The following NETO2 variants were observed in gnomAD, a reference collection of about 807,000 sequenced individuals.
NETO2 encodes the protein neuropilin and tolloid like 2.
In NETO2, 28 loss-of-function variants were observed where a neutral mutation model predicts 62.5. The ratio of observed to expected loss-of-function variants is 0.45; its 90% CI spans 0.33 to 0.61. The LOEUF is 0.61. NETO2 is among the 20% of genes least tolerant of loss of function. The pLI is 0.02. For synonymous variants in NETO2, 214 were observed against 219.1 expected, an observed-to-expected ratio of 0.98 and a Z score of 0.21; for missense variants, 548 against 643.2, an observed-to-expected ratio of 0.85 and a Z score of 1.60.
chr16:47,114,861 T>C (rs1298870420), intron 6 of NETO2, among the ~76,000 whole-genome samples: 1 of 152,188 alleles, frequency 6.6e-6, no homozygotes, highest in Admixed American at 6.5e-5. Flanking sequence ...ATTTTACATC[T>C]ATGTCCATGA....
intron 7 of NETO2, among the ~76,000 whole-genome samples, chr16:47,103,264 G>A (rs1963595757): frequency 6.6e-6 from 1 of 152,094 alleles, no homozygotes; most frequent in Non-Finnish European, 1.5e-5. Flanking sequence ...CACAGGGAGG[G>A]GAAGGAACGT....
chr16:47,127,192 T>C (rs1172801300), intron 4 of NETO2, among the ~76,000 whole-genome samples: 1 of 152,246 alleles, frequency 6.6e-6, no homozygotes, highest in Non-Finnish European at 1.5e-5. Flanking sequence ...CTTACTGTTA[T>C]TTTTTCATCT....
intron 6 of NETO2, among the ~76,000 whole-genome samples, chr16:47,117,401 T>A (rs1343428330): frequency 2.0e-5 from 3 of 152,242 alleles, no homozygotes; most frequent in Non-Finnish European, 4.4e-5. Flanking sequence ...TCTGCAGATA[T>A]ATGTCCTTCA....
intron 7 of NETO2, among the ~76,000 whole-genome samples, chr16:47,102,652 C>A (rs1963580110): frequency 6.7e-6 from 1 of 150,056 alleles, no homozygotes; most frequent in Non-Finnish European, 1.5e-5. Context: ...ATATGCTTCT[C>A]AAAAGAAGAC....
chr16:47,133,424 G>A (rs999997178), intron 1 of NETO2, among the ~76,000 whole-genome samples: 3 of 151,830 alleles, frequency 2.0e-5, no homozygotes, highest in Non-Finnish European at 4.4e-5. Flanking sequence ...CAGGCATGGT[G>A]GCATGTGCCT....
At chr16:47,131,856 C>T (rs544583938) in intron 2 of NETO2, 113 bp downstream of exon 2, 1 of 821,998 alleles carries the variant, frequency 1.2e-6, no homozygotes, top group African/African-American at 1.7e-5. Flanking sequence ...AGCCTTAGGT[C>T]ACTGGAACAC....
chr16:47,087,748 TCTCTTTGTGGCGGCCAC>T (rs1963225297), intron 7 of NETO2, among the ~76,000 whole-genome samples: 1 of 152,140 alleles, frequency 6.6e-6, no homozygotes, highest in African/African-American at 2.4e-5. Context: ...GCTCCTTCTT[TCTCTTTGTGGCGGCCAC>T]CTACTCATCT....
chr16:47,112,405 T>TTGGAG (rs1412789191), intron 6 of NETO2, among the ~76,000 whole-genome samples: 1 of 152,198 alleles, frequency 6.6e-6, no homozygotes, highest in African/African-American at 2.4e-5. Flanking sequence ...GTCTCCTAGG[T>TTGGAG]TGGAGTTCAG....
At chr16:47,112,322 A>G (rs1963817930) in intron 6 of NETO2, among the ~76,000 whole-genome samples, 1 of 152,138 alleles carries the variant, frequency 6.6e-6, no homozygotes, top group Admixed American at 6.5e-5. Context: ...TTTAATTTAG[A>G]TTTCTTAAAT....
At chr16:47,133,349 G>T (rs1964304753) in intron 1 of NETO2, among the ~76,000 whole-genome samples, 2 of 151,524 alleles carry the variant, frequency 1.3e-5, no homozygotes, top group Admixed American at 1.3e-4. Flanking sequence ...GCTGAGGCGA[G>T]AGGATTGCTT....
chr16:47,100,728 A>G (rs1054955499), intron 7 of NETO2, among the ~76,000 whole-genome samples: 1 of 152,216 alleles, frequency 6.6e-6, no homozygotes, highest in Non-Finnish European at 1.5e-5. Flanking sequence ...TCCTGGACAC[A>G]TACACCCTCC....
chr16:47,133,393 G>GAA (rs370625104), intron 1 of NETO2, among the ~76,000 whole-genome samples: 2 of 134,976 alleles, frequency 1.5e-5, no homozygotes, highest in Non-Finnish European at 3.2e-5. Flanking sequence ...TGTCTCTACG[G>GAA]AAAAAAAAAA....
chr16:47,112,049 G>T (rs972524679), intron 6 of NETO2, among the ~76,000 whole-genome samples: 4 of 151,934 alleles, frequency 2.6e-5, no homozygotes, highest in Non-Finnish European at 5.9e-5. Context: ...CTTAAACATC[G>T]ATGCCTTCTT....
chr16:47,140,610 AG>A (rs1964442885), intron 1 of NETO2, among the ~76,000 whole-genome samples: 1 of 152,372 alleles, frequency 6.6e-6, no homozygotes, highest in African/African-American at 2.4e-5. Context: ...TTATTTAATA[AG>A]ACTTTTCAAT....
chr16:47,131,892 C>T (rs1226638953), intron 2 of NETO2, 77 bp downstream of exon 2: 1 of 1,206,084 alleles, frequency 8.3e-7, no homozygotes, highest in African/African-American at 1.5e-5. Flanking sequence ...AAAATAGTAC[C>T]CAAAAGTTGC....
At chr16:47,093,745 A>G (rs1471301268) in intron 7 of NETO2, among the ~76,000 whole-genome samples, 1 of 152,250 alleles carries the variant, frequency 6.6e-6, no homozygotes, top group Non-Finnish European at 1.5e-5. Context: ...CATGATTTTA[A>G]TACAGAATCC....
rs1490029810 is a variant in NETO2 at position 47,122,640 on chromosome 16, T to C, written c.654+17A>G. On this transcript the variant is annotated intron_variant, in intron 6 of 8. Coordinates refer to ENST00000562435, the MANE Select transcript of NETO2 (RefSeq NM_018092.5). ...TCATGATGTTCTTCTCTGAAGCGAC[T>C]CAATACATAATAATACCTTAGCTTT... 6.2e-7 allele frequency: 1 copy of C among 1,609,528 alleles called. No individual in the cohort carries two copies. The highest frequency in any genetic ancestry group is 1.7e-5 in the Admixed American group (1 of 58,620).
intron 1 of NETO2, among the ~76,000 whole-genome samples, chr16:47,133,184 G>A (rs1428173929): frequency 6.6e-6 from 1 of 152,104 alleles, no homozygotes; most frequent in Non-Finnish European, 1.5e-5. Context: ...GGGGTTAAGG[G>A]AAATAGAATG....
chr16:47,092,440 A>T (rs1963331918), intron 7 of NETO2, among the ~76,000 whole-genome samples: 1 of 152,162 alleles, frequency 6.6e-6, no homozygotes, highest in African/African-American at 2.4e-5. Context: ...GATACTTTAC[A>T]TTCTTTATTT....
Sources: gnomAD v4.1 joint callset for allele counts (sites outside exome capture counted in the v4.1 genomes callset) on GRCh38, gnomAD v4.1.1 for gene constraint, MANE v1.5 for transcripts, NCBI Gene and HGNC (gene_info 2026-07-23, HGNC 2026-07-21) for gene names.